The following MAST4 variants were observed in gnomAD, a reference collection of about 807,000 sequenced individuals.
MAST4 encodes the protein microtubule associated serine/threonine kinase family member 4.
Under a neutral mutation model 162.7 loss-of-function variants are expected in MAST4, and 89 were observed. The ratio of observed to expected loss-of-function variants is 0.55; its 90% confidence interval spans 0.46 to 0.65. The LOEUF (loss-of-function observed/expected upper bound fraction) is 0.65, where lower values mean the gene tolerates loss of function less well. Among genes scored for constraint, MAST4 ranks in the 30% least tolerant of loss-of-function variants. MAST4 has a pLI of 0.00. For missense variants in MAST4, 3,153 were observed against 3,374.0 expected (o/e 0.93, Z 1.62); for synonymous variants, 1,479 against 1,361.1 (o/e 1.09, Z -1.91).
intron 3 of MAST4, among the ~76,000 whole-genome samples, chr5:66,813,027 A>C (rs556648577): frequency 3.3e-5 from 5 of 152,344 alleles, no homozygotes; most frequent in Admixed American, 3.3e-4. Context: ...TCTAGGATTC[A>C]GCTAAGACTG....
In MAST4 at chr5:66,755,575, C is replaced by T. The variant is rs1189779516; in HGVS notation, c.364-4134C>T. Among the ~76,000 whole-genome samples, 4 of 151,964 alleles carry T rather than the reference C, an allele frequency of 2.6e-5. No homozygotes were observed. In the East Asian group the frequency reaches 5.8e-4, roughly 22 times the overall value. On this transcript the variant is annotated intron_variant, in intron 1 of 28. Coordinates refer to ENST00000403625, the MANE Select transcript of MAST4 (RefSeq NM_001164664.2). Reference sequence around the variant, plus strand: ...TTGCAGATGGTCGTGATGGTGATGGCGGAGACATTAACAAAAATTAGATCG... The same window carrying T: ...TTGCAGATGGTCGTGATGGTGATGGTGGAGACATTAACAAAAATTAGATCG...
intron 3 of MAST4, among the ~76,000 whole-genome samples, chr5:66,837,873 TATATATATATATATATATATA>T (rs1758094426): frequency 2.1e-5 from 1 of 48,210 alleles, no homozygotes; most frequent in African/African-American, 1.2e-4. Flanking sequence ...TTTATATATA[TATATATATATATATATATATA>T]TTTTTTTTTT....
At chr5:66,909,372 G>A (rs1017889242) in intron 4 of MAST4, among the ~76,000 whole-genome samples, 1 of 152,142 alleles carries the variant, frequency 6.6e-6, no homozygotes, top group Non-Finnish European at 1.5e-5. Context: ...TTCTCAGCAG[G>A]GTAATCAGGA....
chr5:66,890,648 G>C (rs1281191124), intron 3 of MAST4, among the ~76,000 whole-genome samples: 3 of 152,186 alleles, frequency 2.0e-5, no homozygotes, highest in African/African-American at 7.2e-5. Context: ...TCTCTCCTAA[G>C]AGTAATTGAC....
chr5:66,635,486 G>A (rs1472652042), intron 1 of MAST4, among the ~76,000 whole-genome samples: 1 of 152,092 alleles, frequency 6.6e-6, no homozygotes, highest in Non-Finnish European at 1.5e-5. Context: ...TAGGATATTT[G>A]AATTTCAGAA....
chr5:67,069,932 G>A (rs1388812488), intron 5 of MAST4, among the ~76,000 whole-genome samples: 1 of 142,018 alleles, frequency 7.0e-6, no homozygotes, highest in Non-Finnish European at 1.5e-5. Flanking sequence ...CTCAGCAAAA[G>A]AACATGCCCT....
Position 66,756,540 on chromosome 5 carries a change from G to GA in MAST4, c.364-3165dup, listed in dbSNP as rs577468692. Among the ~76,000 whole-genome samples the GA allele has an allele frequency of 1.6e-3, 250 of 152,312 alleles. 1 individual carries two copies. Among genetic ancestry groups the GA allele is most frequent in the Non-Finnish European group, 1.1e-3 (75 of 68,026 alleles). On this transcript the variant is annotated intron_variant, in intron 1 of 28. Coordinates refer to ENST00000403625, the MANE Select transcript of MAST4 (RefSeq NM_001164664.2). The stretch of plus-strand genomic sequence containing the variant: ...AGACTTTGGGAGTCTGGAAAAGTTG[G>GA]AAAACATTAAAATGGAATCATTTAA...
chr5:66,862,866 T>C (rs1459150298), intron 3 of MAST4, among the ~76,000 whole-genome samples: 1 of 152,230 alleles, frequency 6.6e-6, no homozygotes, highest in East Asian at 1.9e-4. Flanking sequence ...CCTGGCCCTG[T>C]ATGTACCACC....
chr5:67,000,628 A>G (rs1415181977), intron 4 of MAST4, among the ~76,000 whole-genome samples: 1 of 152,016 alleles, frequency 6.6e-6, no homozygotes, highest in Non-Finnish European at 1.5e-5. Flanking sequence ...ACTGCCTGTA[A>G]TCCCAGCTAC....
At chr5:66,660,344 C>T (rs1292296053) in intron 1 of MAST4, among the ~76,000 whole-genome samples, 2 of 152,012 alleles carry the variant, frequency 1.3e-5, no homozygotes, top group Non-Finnish European at 2.9e-5. Flanking sequence ...GCCGAGATCG[C>T]GCCATAGCAC....
In MAST4 at chr5:67,163,436, C is replaced by A. The variant is rs1203488211; in HGVS notation, c.4257C>A (p.Ser1419=). 6.2e-7 allele frequency: 1 copy of A among 1,613,346 alleles called. No individual in the cohort carries two copies. Among genetic ancestry groups the A allele is most frequent in the Non-Finnish European group, 8.5e-7 (1 of 1,179,884 alleles). ...IAQAFPSKMH[S]PPTIVRHIVR... ...AAGCCTTTCCCAGCAAGATGCACTC[C>A]CCGCCCACCATCGTCAGACACATCG... Residue 1419 remains serine (S), a synonymous_variant, in exon 29 of 29, where the codon TCC becomes TCA. Coordinates refer to ENST00000403625, the MANE Select transcript of MAST4 (RefSeq NM_001164664.2). This position sits in a 1 kb window ranked among gnomAD's most constrained non-coding sequence, Gnocchi z 7.0.
intron 3 of MAST4, among the ~76,000 whole-genome samples, chr5:66,845,123 A>C (rs1322540023): frequency 7.3e-5 from 10 of 137,652 alleles, no homozygotes; most frequent in African/African-American, 2.8e-4. Flanking sequence ...ATATATATAT[A>C]TATACACACA....
At chr5:66,854,849 G>A (rs1561384908) in intron 3 of MAST4, among the ~76,000 whole-genome samples, 1 of 151,950 alleles carries the variant, frequency 6.6e-6, no homozygotes, top group Non-Finnish European at 1.5e-5. Flanking sequence ...TGAGCTGGGA[G>A]CATCTCCACA....
chr5:67,040,416 C>A (rs879493605), intron 4 of MAST4, among the ~76,000 whole-genome samples: 1 of 152,150 alleles, frequency 6.6e-6, no homozygotes, highest in Non-Finnish European at 1.5e-5. Flanking sequence ...ACCTATGGAT[C>A]TTTGAGAATA....
At chr5:66,986,187 C>G (rs1027830347) in intron 4 of MAST4, among the ~76,000 whole-genome samples, 1 of 152,082 alleles carries the variant, frequency 6.6e-6, no homozygotes, top group African/African-American at 2.4e-5. Flanking sequence ...AGCGAGGCAT[C>G]CCTTGCTGGG....
At chr5:66,744,152 C>G (rs970812718) in intron 1 of MAST4, among the ~76,000 whole-genome samples, 1 of 152,148 alleles carries the variant, frequency 6.6e-6, no homozygotes, top group Non-Finnish European at 1.5e-5. Flanking sequence ...GGCCCAGTGC[C>G]CCTCCATCCC....
At chr5:67,027,107 A>G (rs1459857262) in intron 4 of MAST4, among the ~76,000 whole-genome samples, 1 of 152,148 alleles carries the variant, frequency 6.6e-6, no homozygotes, top group African/African-American at 2.4e-5. Context: ...AAAATATGTA[A>G]GGATATTTAT....
At chr5:67,051,264 GT>G (rs1238567012) in intron 4 of MAST4, among the ~76,000 whole-genome samples, 1 of 151,606 alleles carries the variant, frequency 6.6e-6, no homozygotes, top group Non-Finnish European at 1.5e-5. Flanking sequence ...GAGTGGAGAT[GT>G]TTCCACTGTT....
intron 1 of MAST4, among the ~76,000 whole-genome samples, chr5:66,704,514 T>TTTTTG (rs1749996396): frequency 6.8e-6 from 1 of 147,734 alleles, no homozygotes; most frequent in African/African-American, 2.5e-5. Context: ...TTTTTTTTTT[T>TTTTTG]GAGACGGAGT....
Sources: gnomAD v4.1 joint callset for allele counts (sites outside exome capture counted in the v4.1 genomes callset) on GRCh38, gnomAD v4.1.1 for gene constraint, Gnocchi (gnomAD v3.1) non-coding constraint, MANE v1.5 for transcripts, NCBI Gene and HGNC (gene_info 2026-07-23, HGNC 2026-07-21) for gene names.